The following FER1L6 variants were observed in gnomAD, a reference collection of about 807,000 sequenced individuals.
The protein encoded by FER1L6 is fer-1 like family member 6.
Under a neutral mutation model 219.2 loss-of-function variants are expected in FER1L6, and 177 were observed. The observed-to-expected ratio is 0.81, with a 90% CI of 0.71 to 0.91. FER1L6 has a LOEUF of 0.91. Ranked by LOEUF, FER1L6 falls within the 40% of genes least tolerant of loss-of-function variation. The probability of loss-of-function intolerance (pLI) is 0.00; values close to 1 mark genes in which losing one functional copy is unlikely to be tolerated. For synonymous variants in FER1L6, 768 were observed against 824.3 expected (o/e 0.93, Z 1.17); for missense variants, 2,153 against 2,259.9 (o/e 0.95, Z 0.96).
At chr8:123,931,267 G>C (rs941648276) in intron 1 of FER1L6, among the ~76,000 whole-genome samples, 2 of 152,162 alleles carry the variant, frequency 1.3e-5, no homozygotes, top group African/African-American at 4.8e-5. Flanking sequence ...GTCGATGGAT[G>C]AGTTTTACCC....
intron 1 of FER1L6, among the ~76,000 whole-genome samples, chr8:123,923,753 C>G (rs556271298): frequency 6.6e-6 from 1 of 151,894 alleles, no homozygotes; most frequent in East Asian, 1.9e-4. Flanking sequence ...AGATGAGGAA[C>G]CTAACTAACA....
chr8:124,042,429 A>G (rs1819543180), intron 20 of FER1L6, among the ~76,000 whole-genome samples: 1 of 152,236 alleles, frequency 6.6e-6, no homozygotes, highest in African/African-American at 2.4e-5. Context: ...CTGCAGCCCA[A>G]AGCTGGATGT....
chr8:124,029,104 T>C (rs1818845082), intron 18 of FER1L6, among the ~76,000 whole-genome samples: 2 of 152,228 alleles, frequency 1.3e-5, no homozygotes, highest in Admixed American at 1.3e-4. Context: ...GCAAAGGACA[T>C]GATCTCATTC....
At position 123,963,182 on chromosome 8, in the gene FER1L6, C is replaced by T; in HGVS notation, c.77-96C>T. On this transcript the variant is annotated intron_variant, in intron 2 of 40. Transcript: ENST00000522917. ...TCTGTCTTCTAGTCTCTTTGTACCA[C>T]TTATGGTGCCTGCCACAGGGCTGGC... The T allele has an allele frequency of 2.0e-6, 3 of 1,535,682 alleles. No individual in the cohort carries two copies. In the South Asian group the frequency reaches 3.6e-5, roughly 18 times the overall value.
intron 1 of FER1L6, among the ~76,000 whole-genome samples, chr8:123,919,827 A>G (rs1382091931): frequency 6.6e-6 from 1 of 152,098 alleles, no homozygotes; most frequent in Non-Finnish European, 1.5e-5. Flanking sequence ...TCAATCACCT[A>G]AGGTCCCTGC....
At chr8:123,952,614 TG>T (rs957372053) in intron 1 of FER1L6, among the ~76,000 whole-genome samples, 2 of 152,094 alleles carry the variant, frequency 1.3e-5, no homozygotes, top group African/African-American at 4.8e-5. Flanking sequence ...TAGAGGTGGT[TG>T]GGGATGTGGT....
chr8:123,888,247 G>C (rs1439541238), intron 1 of FER1L6, among the ~76,000 whole-genome samples: 2 of 151,950 alleles, frequency 1.3e-5, no homozygotes, highest in Non-Finnish European at 2.9e-5. Context: ...CTCCCGAGTA[G>C]CTGGGACTAC....
At chr8:124,027,189 T>A (rs1320678305) in intron 18 of FER1L6, among the ~76,000 whole-genome samples, 1 of 152,230 alleles carries the variant, frequency 6.6e-6, no homozygotes, top group Non-Finnish European at 1.5e-5. Flanking sequence ...CCAAATAAGG[T>A]CATATTTTGG....
chr8:124,101,327 A>G lies in FER1L6; in HGVS notation c.5114A>G (p.Asp1705Gly), dbSNP rs142173587. ...QVWDFERLSS[D>G]DFLGTLEMNL... ...TGGGATTTTGAAAGGCTGTCCTCAG[A>G]TGACTTCCTGGGTAAGCCAGTGGCT... Residue 1705 changes from aspartate (D) to glycine (G), a missense_variant, in exon 38 of 41, where the codon GAT (aspartate) becomes GGT (glycine). Asp to Gly is a moderately conservative substitution (Grantham distance 94). Coordinates refer to ENST00000522917, the MANE Select transcript of FER1L6 (RefSeq NM_001039112.2). 132 of 1,613,134 alleles carry G rather than the reference A, an allele frequency of 8.2e-5. No homozygotes were observed. The Middle Eastern group carries it at 9.9e-4, about 12-fold the overall frequency.
At chr8:123,968,468 C>T (rs17270769) in intron 5 of FER1L6, among the ~76,000 whole-genome samples, 48,042 of 151,996 alleles carry the variant, frequency 0.32, 8,346 homozygotes, top group Non-Finnish European at 0.4. Context: ...CAGGAGGTCT[C>T]GGAAGCCTAT....
chr8:123,877,940 G>A (rs1817034087), intron 1 of FER1L6, among the ~76,000 whole-genome samples: 1 of 152,130 alleles, frequency 6.6e-6, no homozygotes, highest in African/African-American at 2.4e-5. Flanking sequence ...AAAAAGGGGT[G>A]AGGGTTGGGG....
chr8:123,952,025 G>A (rs1164994624), intron 1 of FER1L6, among the ~76,000 whole-genome samples: 1 of 152,242 alleles, frequency 6.6e-6, no homozygotes, highest in African/African-American at 2.4e-5. Context: ...TGGCAACTCT[G>A]GCTGTGAGCA....
chr8:123,966,037 G>T lies in FER1L6; in HGVS notation c.228G>T (p.Gly76=), dbSNP rs1815519098. ...AACTGTTGACTAAGATCCATGATGGGGAGGTCAGATCCCAAAATTATCAAG... is the reference window on the plus strand; with the variant it reads ...AACTGTTGACTAAGATCCATGATGGTGAGGTCAGATCCCAAAATTATCAAG... ...RSKLLTKIHD[G]EVRSQNYQIA... is the part of the protein sequence containing the mutation. Residue 76 remains glycine (G), a synonymous_variant, in exon 4 of 41, where the codon GGG becomes GGT. Coordinates refer to ENST00000522917, the MANE Select transcript of FER1L6 (RefSeq NM_001039112.2). The T allele has an allele frequency of 6.2e-7, 1 of 1,613,622 alleles. No homozygotes were observed. The highest frequency in any genetic ancestry group is 2.2e-5 in the East Asian group (1 of 44,808).
chr8:123,865,358 G>T (rs1395097082), intron 1 of FER1L6, among the ~76,000 whole-genome samples: 1 of 149,894 alleles, frequency 6.7e-6, no homozygotes, highest in Non-Finnish European at 1.5e-5. Flanking sequence ...CCAGCTGCGT[G>T]CTGGGAGAAC....
rs1029317467 is a variant in FER1L6, at chr8:124,021,612, T to C, written c.2076T>C (p.Asp692=). ...IQQQKKKLSV[D]EMIHEAQNFV... The stretch of plus-strand genomic sequence containing the variant: ...AGCAGAAGAAAAAGTTATCTGTTGA[T>C]GAAATGATTCACGAAGCCCAAAACT... The change falls in exon 17 of 41, where the codon GAT becomes GAC. Residue 692 remains aspartate (D), a synonymous_variant. Coordinates refer to ENST00000522917, the MANE Select transcript of FER1L6 (RefSeq NM_001039112.2). 1 of 1,614,194 alleles carries C rather than the reference T, an allele frequency of 6.2e-7. No homozygotes were observed. The highest frequency in any genetic ancestry group is 2.2e-5 in the East Asian group (1 of 44,888).
chr8:124,088,980 A>G (rs1821901683), intron 33 of FER1L6, among the ~76,000 whole-genome samples: 1 of 151,658 alleles, frequency 6.6e-6, no homozygotes, highest in Non-Finnish European at 1.5e-5. Flanking sequence ...TGGTGCGAGC[A>G]CTCCCATGGC....
intron 12 of FER1L6, among the ~76,000 whole-genome samples, chr8:123,996,890 A>G: frequency 6.6e-6 from 1 of 152,186 alleles, no homozygotes; most frequent in Non-Finnish European, 1.5e-5. Context: ...CAAAAAAAGC[A>G]AAGAGAAAAT....
chr8:123,880,274 T>C (rs1817085914), intron 1 of FER1L6, among the ~76,000 whole-genome samples: 1 of 152,158 alleles, frequency 6.6e-6, no homozygotes, highest in East Asian at 1.9e-4. Context: ...CAACCGAGCC[T>C]TCTTCTAACT....
chr8:124,035,174 C>A, intron 18 of FER1L6, 103 bp from the exon 19 acceptor site: 1 of 1,246,604 alleles, frequency 8.0e-7, no homozygotes, highest in Non-Finnish European at 1.1e-6. Context: ...GCTCTCTGAA[C>A]ATACTTCCAG....
Sources: allele counts gnomAD v4.1 joint callset (sites outside exome capture counted in the v4.1 genomes callset), GRCh38; gene constraint gnomAD v4.1.1; transcripts MANE v1.5; gene names NCBI Gene and HGNC (gene_info 2026-07-23, HGNC 2026-07-21).